The following NBEAL1 variants were observed in gnomAD, a reference collection of about 807,000 sequenced individuals.
The protein encoded by NBEAL1 is neurobeachin-like protein 1.
A neutral mutation model predicts 351.3 loss-of-function variants in NBEAL1; 273 were observed. The ratio of observed to expected loss-of-function variants is 0.78; its 90% confidence interval spans 0.70 to 0.86. NBEAL1 has a LOEUF of 0.86. NBEAL1 is among the 40% of genes least tolerant of loss of function. The pLI, the probability that NBEAL1 is intolerant of heterozygous loss-of-function variation, is 0.00. For missense variants in NBEAL1, 2,961 were observed against 3,201.3 expected (o/e 0.92, Z 1.81); for synonymous variants, 1,050 against 1,086.4 (o/e 0.97, Z 0.66).
Position 203,188,597 on chromosome 2 carries a change from T to A in NBEAL1, c.6823+8T>A. The A allele has an allele frequency of 6.8e-6, 10 of 1,477,550 alleles. No homozygotes were observed. Among genetic ancestry groups the A allele is most frequent in the Non-Finnish European group, 9.3e-6 (10 of 1,071,562 alleles). 91.5% of individuals were successfully genotyped at this position (1,477,550 alleles called of 1,614,324 possible). On this transcript the variant is annotated splice_region_variant and intron_variant, in intron 45 of 55. Coordinates refer to ENST00000683969, the MANE Select transcript of NBEAL1 (RefSeq NM_001378026.1). ...ATTATTGTAGTTATGAAGGTATAAA[T>A]CTATACACTTTTTCTCTTGCTTTAC...
intron 36 of NBEAL1, among the ~76,000 whole-genome samples, chr2:203,165,146 C>T (rs768925663): frequency 4.6e-5 from 7 of 152,172 alleles, no homozygotes; most frequent in Non-Finnish European, 8.8e-5. Context: ...CAGGCGTGAG[C>T]CACCGCGCCC....
intron 8 of NBEAL1, among the ~76,000 whole-genome samples, chr2:203,081,073 G>C (rs1396510791): frequency 6.6e-6 from 1 of 152,130 alleles, no homozygotes; most frequent in Non-Finnish European, 1.5e-5. Context: ...AAAAATCCTT[G>C]TGATCCAGGC....
chr2:203,135,698 C>T lies in NBEAL1; in HGVS notation c.3835C>T (p.Gln1279Ter). The change falls in exon 28 of 56, where the codon CAG becomes TAG. Residue 1279 changes from glutamine (Q) to a stop codon, truncating the protein, a stop_gained. Coordinates refer to ENST00000683969, the MANE Select transcript of NBEAL1 (RefSeq NM_001378026.1). LOFTEE classifies it high-confidence loss of function. ...ACAGGTTTTGCAAATTTTGCAGTTC[C>T]AGCCAGATGCAGCACATCAAATATC... ...CRKVLQILQF[Q>*]PDAAHQISQQ... The T allele has an allele frequency of 2.0e-6, 3 of 1,521,886 alleles. No homozygotes were observed. Among genetic ancestry groups the T allele is most frequent in the Non-Finnish European group, 1.8e-6 (2 of 1,132,422 alleles). 94.3% of individuals were successfully genotyped at this position (1,521,886 alleles called of 1,614,324 possible). A position where few individuals can be genotyped will look rare whatever the true frequency, so the allele number is the denominator to read the frequency against.
At chr2:203,143,715 T>C (rs1348345102) in intron 31 of NBEAL1, among the ~76,000 whole-genome samples, 3 of 152,186 alleles carry the variant, frequency 2.0e-5, no homozygotes, top group Non-Finnish European at 4.4e-5. Flanking sequence ...GGGTCTCTTG[T>C]GTTTCTATAT....
intron 15 of NBEAL1, among the ~76,000 whole-genome samples, chr2:203,111,499 T>TAACTC (rs1041935229): frequency 1.9e-4 from 29 of 152,124 alleles, no homozygotes; most frequent in Middle Eastern, 6.8e-3. Flanking sequence ...GCCTCCTGAG[T>TAACTC]AGCTGGGATT....
At chr2:203,057,294 T>A (rs943346317) in intron 5 of NBEAL1, 32 bp from the exon 6 acceptor site, 4 of 1,525,190 alleles carry the variant, frequency 2.6e-6, no homozygotes, top group Non-Finnish European at 2.7e-6. Flanking sequence ...AAGTAAGGCA[T>A]GTCTTTAATT....
intron 2 of NBEAL1, chr2:203,040,738 CT>C: frequency 1.7e-6 from 1 of 583,372 alleles, no homozygotes; most frequent in Non-Finnish European, 3.3e-6. Flanking sequence ...CCCTTTCCAC[CT>C]TTTGGTGACC....
intron 10 of NBEAL1, 75 bp from the exon 11 acceptor site, chr2:203,097,472 A>G: frequency 2.1e-6 from 1 of 471,710 alleles, no homozygotes; most frequent in Non-Finnish European, 2.8e-6. Context: ...ATGGAAACCC[A>G]TTTAAGCTTC....
intron 17 of NBEAL1, among the ~76,000 whole-genome samples, chr2:203,113,731 C>A (rs951813362): frequency 6.6e-6 from 1 of 151,704 alleles, no homozygotes; most frequent in Non-Finnish European, 1.5e-5. Context: ...TTCTCTTCCT[C>A]GCTTATGAGG....
Position 203,138,640 on chromosome 2 carries a change from G to A in NBEAL1, c.4740G>A (p.Leu1580=), listed in dbSNP as rs768286891. 6.2e-7 allele frequency: 1 copy of A among 1,607,386 alleles called. No homozygotes were observed. The highest frequency in any genetic ancestry group is 8.5e-7 in the Non-Finnish European group (1 of 1,178,254). The change falls in exon 31 of 56, where the codon CTG becomes CTA. Residue 1580 remains leucine (L), a synonymous_variant. Coordinates refer to ENST00000683969, the MANE Select transcript of NBEAL1 (RefSeq NM_001378026.1). Reference sequence around the variant, plus strand: ...GATAGCTTTTAGAGGATATGATGCTGCTCTTTGACTGTCTGTCAGTCTGCT... The same window carrying A: ...GATAGCTTTTAGAGGATATGATGCTACTCTTTGACTGTCTGTCAGTCTGCT... ...WTEKLLEDMM[L]LFDCLSVCYS...
At chr2:203,197,435 A>G (rs2065269520) in intron 48 of NBEAL1, 44 bp downstream of exon 48, 1 of 1,223,470 alleles carries the variant, frequency 8.2e-7, no homozygotes, top group Non-Finnish European at 1.2e-6. Flanking sequence ...GCCTATATTC[A>G]TTACAACTTA....
In NBEAL1 at chr2:203,108,494, G is replaced by T. The variant is rs1317090150; in HGVS notation, c.1949+306G>T. ...GCTCACTGCAAGCTCCACCTCCTGG[G>T]TTCACGCCATTATCCTGCCTTAGCC... On this transcript the variant is annotated intron_variant, in intron 14 of 55. Coordinates refer to ENST00000683969, the MANE Select transcript of NBEAL1 (RefSeq NM_001378026.1). 4.0e-5 allele frequency among the ~76,000 whole-genome samples: 6 copies of T among 151,882 alleles called. No homozygotes were observed. The East Asian group carries it at 1.2e-3, about 29-fold the overall frequency.
chr2:203,204,234 C>A (rs189188388), intron 51 of NBEAL1, among the ~76,000 whole-genome samples: 1 of 148,600 alleles, frequency 6.7e-6, no homozygotes, highest in Admixed American at 6.7e-5. Context: ...GCCCCATACC[C>A]TCTTTTTTTT....
chr2:203,122,324 T>C lies in NBEAL1; in HGVS notation c.2663T>C (p.Val888Ala). ...CATGGAAGATTAACAGGAAACAAAG[T>C]AGTGAACTGGGACATTAAGGTAAAT... ...CLHGRLTGNK[V>A]VNWDIKDIIN... is the part of the protein sequence containing the mutation. The change falls in exon 19 of 56, where the codon GTA becomes GCA. Residue 888 changes from valine to alanine, a missense_variant. Physicochemically the swap from Val to Ala is moderately conservative, Grantham distance 64. Coordinates refer to ENST00000683969, the MANE Select transcript of NBEAL1 (RefSeq NM_001378026.1). 3.9e-6 allele frequency: 6 copies of C among 1,538,518 alleles called. No individual in the cohort carries two copies. The highest frequency in any genetic ancestry group is 5.3e-6 in the Non-Finnish European group (6 of 1,138,566).
At position 203,183,274 on chromosome 2, in the gene NBEAL1, C is replaced by G. The variant is rs2105744932; in HGVS notation, c.6596-5C>G. Reference sequence around the variant, plus strand: ...TTTGATACATTTTCTTTTTACATGTCTTAGAATTTAACTTGGGTCGTCTAC... The same window carrying G: ...TTTGATACATTTTCTTTTTACATGTGTTAGAATTTAACTTGGGTCGTCTAC... On this transcript the variant is annotated splice_polypyrimidine_tract_variant and splice_region_variant and intron_variant, in intron 43 of 55. Coordinates refer to ENST00000683969, the MANE Select transcript of NBEAL1 (RefSeq NM_001378026.1). 1.3e-6 allele frequency: 2 copies of G among 1,494,530 alleles called. No individual in the cohort carries two copies. The highest frequency in any genetic ancestry group is 1.8e-6 in the Non-Finnish European group (2 of 1,092,100). The allele number at this position is 1,494,530 out of a possible 1,614,324, so 92.6% of individuals were successfully genotyped here. A position where few individuals can be genotyped will look rare whatever the true frequency, so the allele number is the denominator to read the frequency against.
chr2:203,033,831 T>A (rs918077587), intron 2 of NBEAL1, among the ~76,000 whole-genome samples: 4 of 152,200 alleles, frequency 2.6e-5, no homozygotes, highest in Admixed American at 2.6e-4. Flanking sequence ...ATGTTATACA[T>A]CTTTGAACAT....
chr2:203,162,683 A>G lies in NBEAL1; in HGVS notation c.5715-3466A>G, dbSNP rs1352854807. ...TGTTTGAGCCTGGAAGGTGGAGGTT[A>G]CAATGAAGCAAGATTGCAGTGATTT... On this transcript the variant is annotated intron_variant, in intron 36 of 55. Transcript: ENST00000683969. Among the ~76,000 whole-genome samples the G allele has an allele frequency of 2.4e-4, 37 of 152,282 alleles. 1 individual carries two copies. The highest frequency in any genetic ancestry group is 2.4e-3 in the Admixed American group (37 of 15,290).
chr2:203,138,665 T>A lies in NBEAL1; in HGVS notation c.4765T>A (p.Tyr1589Asn). 3 of 1,613,070 alleles carry A rather than the reference T, an allele frequency of 1.9e-6. No homozygotes were observed. The highest frequency in any genetic ancestry group is 2.5e-6 in the Non-Finnish European group (3 of 1,179,558). The change falls in exon 31 of 56, where the codon TAT becomes AAT. Residue 1589 changes from tyrosine (Y) to asparagine (N), a missense_variant. Coordinates refer to ENST00000683969, the MANE Select transcript of NBEAL1 (RefSeq NM_001378026.1). ...MLLFDCLSVC[Y>N]SESPVWVKLS... is the part of the protein sequence containing the mutation. ...GCTCTTTGACTGTCTGTCAGTCTGC[T>A]ATTCTGAAAGTCCAGTATGGGTAAA...
intron 10 of NBEAL1, among the ~76,000 whole-genome samples, chr2:203,091,954 TA>T (rs1408167543): frequency 1.3e-5 from 2 of 152,232 alleles, no homozygotes; most frequent in African/African-American, 4.8e-5. Flanking sequence ...GCCATAATTT[TA>T]ATGTCTATAT....
Sources: allele counts gnomAD v4.1 joint callset (sites outside exome capture counted in the v4.1 genomes callset), GRCh38; gene constraint gnomAD v4.1.1; transcripts MANE v1.5; gene names NCBI Gene and HGNC (gene_info 2026-07-23, HGNC 2026-07-21).